SYT16: variants seen among roughly 807,000 people sequenced by gnomAD.
SYT16 encodes synaptotagmin 16.
A neutral mutation model predicts 61.4 loss-of-function variants in SYT16; 42 were observed. That is an observed-to-expected ratio of 0.68 (90% CI 0.53 to 0.89). SYT16 has a LOEUF of 0.89. Ranked by LOEUF, SYT16 falls within the 40% of genes least tolerant of loss-of-function variation. SYT16 has a pLI of 0.00. For missense variants in SYT16, 804 were observed against 807.3 expected (o/e 1.00, Z 0.05); for synonymous variants, 314 against 302.3 (o/e 1.04, Z -0.40).
At chr14:61,984,027 A>T (rs2052198067) in intron 2 of SYT16, among the ~76,000 whole-genome samples, 1 of 152,170 alleles carries the variant, frequency 6.6e-6, no homozygotes, top group Non-Finnish European at 1.5e-5. Context: ...TTTCAAAATT[A>T]TCTTGAAGCA....
intron 3 of SYT16, among the ~76,000 whole-genome samples, chr14:62,052,045 T>C (rs2055327225): frequency 6.6e-6 from 1 of 152,188 alleles, no homozygotes; most frequent in African/African-American, 2.4e-5. Flanking sequence ...TTTTGTTATG[T>C]TTTCTTTATA....
In SYT16 at chr14:62,106,144, G is replaced by A. The variant is rs955503657; in HGVS notation, c.*5437G>A. 2 of 152,192 alleles carry A rather than the reference G, an allele frequency of 1.3e-5. No individual in the cohort carries two copies. Among genetic ancestry groups the A allele is most frequent in the Admixed American group, 6.5e-5 (1 of 15,280 alleles). 9.4% of individuals were successfully genotyped at this position (152,192 alleles called of 1,614,324 possible). On this transcript the variant is annotated 3_prime_UTR_variant, in exon 8 of 8. Transcript: ENST00000683842. ...AGGTTGTTTCTCATTAATTCAAAAT[G>A]TATTCATTGTCTAGTACTATGCTAT... is the stretch of plus-strand genomic sequence containing the variant.
At chr14:62,002,853 T>C (rs1410745008) in intron 3 of SYT16, among the ~76,000 whole-genome samples, 1 of 152,178 alleles carries the variant, frequency 6.6e-6, no homozygotes, top group African/African-American at 2.4e-5. Context: ...TCCACAGGGC[T>C]GGAGAGGCCT....
At chr14:62,084,413 T>C (rs1459831030) in intron 7 of SYT16, 28 bp downstream of exon 7, 1 of 1,593,232 alleles carries the variant, frequency 6.3e-7, no homozygotes, top group South Asian at 1.1e-5. Flanking sequence ...CTCCCAGCTC[T>C]GGTTCTTCCA....
chr14:61,924,348 G>A (rs2049454224), intron 1 of SYT16, among the ~76,000 whole-genome samples: 3 of 152,200 alleles, frequency 2.0e-5, no homozygotes, highest in East Asian at 3.8e-4. Flanking sequence ...ATTAGGATAT[G>A]TAAGGTTTAG....
At chr14:61,830,173 C>A (rs1200937168) in intron 1 of SYT16, among the ~76,000 whole-genome samples, 1 of 152,004 alleles carries the variant, frequency 6.6e-6, no homozygotes, top group Non-Finnish European at 1.5e-5. Flanking sequence ...TTATGATAAC[C>A]GCTTTAAAAT....
At chr14:62,071,651 T>G (rs2056304641) in intron 4 of SYT16, among the ~76,000 whole-genome samples, 1 of 152,236 alleles carries the variant, frequency 6.6e-6, no homozygotes, top group Admixed American at 6.5e-5. Flanking sequence ...CAGTGGATTT[T>G]TTTCAGTGGT....
intron 1 of SYT16, among the ~76,000 whole-genome samples, chr14:61,868,299 G>T (rs1349371422): frequency 6.6e-6 from 1 of 151,144 alleles, no homozygotes; most frequent in East Asian, 1.9e-4. Flanking sequence ...AATAACATTT[G>T]GTTTAGATTT....
intron 1 of SYT16, among the ~76,000 whole-genome samples, chr14:61,863,111 A>G (rs2047016004): frequency 1.3e-5 from 2 of 152,202 alleles, no homozygotes; most frequent in African/African-American, 4.8e-5. Context: ...GTGGACATAT[A>G]TTTTCACGTC....
intron 2 of SYT16, among the ~76,000 whole-genome samples, chr14:61,979,895 A>C (rs1417818920): frequency 6.6e-6 from 1 of 152,162 alleles, no homozygotes; most frequent in African/African-American, 2.4e-5. Flanking sequence ...AGAAAAAAAA[A>C]ATTCCACTGG....
intron 1 of SYT16, among the ~76,000 whole-genome samples, chr14:61,871,987 T>G (rs569396153): frequency 5.9e-5 from 9 of 152,178 alleles, no homozygotes; most frequent in Non-Finnish European, 1.3e-4. Context: ...TTCTTACCAG[T>G]AAAATGTGTG....
chr14:62,064,352 A>G (rs997548359), intron 3 of SYT16, among the ~76,000 whole-genome samples: 1 of 150,730 alleles, frequency 6.6e-6, no homozygotes, highest in East Asian at 1.9e-4. Flanking sequence ...AAAAAAAAAA[A>G]AAAAAAGAAA....
chr14:61,972,076 G>A (rs1180807117), intron 2 of SYT16, among the ~76,000 whole-genome samples: 3 of 152,144 alleles, frequency 2.0e-5, no homozygotes, highest in East Asian at 3.9e-4. Context: ...TGCATATTGG[G>A]ATTATCAGTA....
intron 2 of SYT16, among the ~76,000 whole-genome samples, chr14:61,975,904 A>C (rs1486837811): frequency 1.3e-5 from 2 of 152,220 alleles, no homozygotes; most frequent in South Asian, 4.1e-4. Context: ...GCATTAATTC[A>C]AAAGTCCAAG....
intron 1 of SYT16, among the ~76,000 whole-genome samples, chr14:61,944,514 TGGTAC>T (rs1237535961): frequency 6.6e-6 from 1 of 152,172 alleles, no homozygotes; most frequent in Non-Finnish European, 1.5e-5. Flanking sequence ...CAAAACAGCA[TGGTAC>T]TGGTAGCAAA....
chr14:61,814,439 A>C (rs1173803628), intron 1 of SYT16, among the ~76,000 whole-genome samples: 4 of 152,260 alleles, frequency 2.6e-5, no homozygotes, highest in Admixed American at 2.6e-4. Context: ...ACACACATGC[A>C]GTGAGACACT....
intron 2 of SYT16, among the ~76,000 whole-genome samples, chr14:61,984,091 A>G (rs1489915185): frequency 1.3e-5 from 2 of 152,190 alleles, no homozygotes; most frequent in Admixed American, 1.3e-4. Context: ...GAAGCTTTCA[A>G]TATTTTACCT....
intron 3 of SYT16, among the ~76,000 whole-genome samples, chr14:62,043,509 G>A (rs12435611): frequency 0.077 from 11,563 of 149,430 alleles, 576 homozygotes; most frequent in East Asian, 0.12. Context: ...CCTGGTTCAC[G>A]CCATTCTCTT....
intron 3 of SYT16, among the ~76,000 whole-genome samples, chr14:62,064,354 A>AAAAAG: frequency 6.6e-6 from 1 of 150,664 alleles, no homozygotes; most frequent in African/African-American, 2.4e-5. Flanking sequence ...AAAAAAAAAA[A>AAAAAG]AAAAGAAAAC....
Sources: gnomAD v4.1 joint callset for allele counts (sites outside exome capture counted in the v4.1 genomes callset) on GRCh38, gnomAD v4.1.1 for gene constraint, MANE v1.5 for transcripts, NCBI Gene and HGNC (gene_info 2026-07-23, HGNC 2026-07-21) for gene names.